SCHIP1: variants seen among roughly 807,000 people sequenced by gnomAD.
SCHIP1 encodes the protein schwannomin-interacting protein 1.
SCHIP1 carries 8 observed loss-of-function variants against 29.7 expected under a neutral mutation model. That is an observed-to-expected ratio of 0.27 (90% CI 0.16 to 0.49). The LOEUF (loss-of-function observed/expected upper bound fraction) is 0.49. Ranked by LOEUF, SCHIP1 falls within the 20% of genes least tolerant of loss-of-function variation. SCHIP1 has a pLI of 0.99. For synonymous variants in SCHIP1, 76 were observed against 94.9 expected, an observed-to-expected ratio of 0.80 and a Z score of 1.16; for missense variants, 193 against 294.6, an observed-to-expected ratio of 0.66 and a Z score of 2.52.
chr3:159,840,280 C>G, intron 1 of SCHIP1: 1 of 1,368,270 alleles, frequency 7.3e-7, no homozygotes, highest in Non-Finnish European at 1.0e-6. Flanking sequence ...TCTTCCAAAG[C>G]AGCAGGTTGC....
chr3:159,451,237 A>G, the SCHIP1 span, among the ~76,000 whole-genome samples: 2 of 152,374 alleles, frequency 1.3e-5, no homozygotes, highest in African/African-American at 2.4e-5. Context: ...GTTAAAGTAC[A>G]CGTGGGTGGT....
chr3:159,334,523 G>C, the SCHIP1 span, among the ~76,000 whole-genome samples: 2 of 152,032 alleles, frequency 1.3e-5, no homozygotes, highest in African/African-American at 4.8e-5. Flanking sequence ...CACCACAACA[G>C]GTATATAGAA....
At chr3:159,277,075 A>G in the SCHIP1 span, among the ~76,000 whole-genome samples, 1 of 152,036 alleles carries the variant, frequency 6.6e-6, no homozygotes, top group African/African-American at 2.4e-5. Context: ...AACATTCTGG[A>G]TTGACCTCAG....
the SCHIP1 span, among the ~76,000 whole-genome samples, chr3:159,626,244 CTATCTATATAGATAGA>C: frequency 3.2e-4 from 29 of 91,708 alleles, no homozygotes; most frequent in African/African-American, 1.9e-3. Context: ...ATATATCTAT[CTATCTATATAGATAGA>C]TAGATAGATA....
chr3:159,742,660 C>G, the SCHIP1 span, among the ~76,000 whole-genome samples: 1 of 151,088 alleles, frequency 6.6e-6, no homozygotes, highest in African/African-American at 2.4e-5. Flanking sequence ...TGGATACACT[C>G]TTTTTTTTCT....
At chr3:159,843,072 C>T (rs1011026180) in intron 1 of SCHIP1, among the ~76,000 whole-genome samples, 9 of 126,588 alleles carry the variant, frequency 7.1e-5, no homozygotes, top group Non-Finnish European at 9.6e-5. Flanking sequence ...AGTGCAGTGG[C>T]GCAATCTCAG....
the SCHIP1 span, among the ~76,000 whole-genome samples, chr3:159,807,854 A>G: frequency 6.6e-6 from 1 of 152,170 alleles, no homozygotes; most frequent in South Asian, 2.1e-4. Flanking sequence ...CCTCCCAATA[A>G]CCCTGTAAGG....
At chr3:159,635,531 G>T in the SCHIP1 span, among the ~76,000 whole-genome samples, 151 of 152,210 alleles carry the variant, frequency 9.9e-4, 1 homozygote, top group African/African-American at 3.5e-3. Flanking sequence ...TCTTCCTTCT[G>T]GTTTGTAAGT....
chr3:159,452,986 C>T, the SCHIP1 span, among the ~76,000 whole-genome samples: 1 of 152,314 alleles, frequency 6.6e-6, no homozygotes. Context: ...AACCATGCCA[C>T]ATGGAGCTGG....
chr3:159,510,594 TG>T, the SCHIP1 span, among the ~76,000 whole-genome samples: 1 of 152,222 alleles, frequency 6.6e-6, no homozygotes, highest in African/African-American at 2.4e-5. Context: ...CCCATCTTTG[TG>T]GTTTTATCTA....
the SCHIP1 span, among the ~76,000 whole-genome samples, chr3:159,720,641 G>A: frequency 1.4e-4 from 21 of 152,056 alleles, no homozygotes; most frequent in Admixed American, 1.4e-3. Flanking sequence ...CTGGAGTGCA[G>A]TGGCACCATC....
At chr3:159,417,874 G>A in the SCHIP1 span, among the ~76,000 whole-genome samples, 1 of 152,172 alleles carries the variant, frequency 6.6e-6, no homozygotes, top group African/African-American at 2.4e-5. Flanking sequence ...TCGCCTGCCA[G>A]GGTATATGAG....
At chr3:159,397,506 A>G in the SCHIP1 span, among the ~76,000 whole-genome samples, 3 of 152,010 alleles carry the variant, frequency 2.0e-5, no homozygotes, top group Non-Finnish European at 2.9e-5. Context: ...TTTCGTGTGG[A>G]TGTCCTTTCT....
At chr3:159,496,445 G>T in the SCHIP1 span, among the ~76,000 whole-genome samples, 8 of 152,174 alleles carry the variant, frequency 5.3e-5, no homozygotes, top group African/African-American at 1.7e-4. Flanking sequence ...GTAAGCGAAG[G>T]ATATGAACAT....
chr3:159,623,191 T>C, the SCHIP1 span, among the ~76,000 whole-genome samples: 1 of 152,104 alleles, frequency 6.6e-6, no homozygotes, highest in African/African-American at 2.4e-5. Flanking sequence ...AACTGCAAAA[T>C]TGTATTTATA....
the SCHIP1 span, among the ~76,000 whole-genome samples, chr3:159,412,176 C>T: frequency 6.6e-6 from 1 of 152,172 alleles, no homozygotes. Context: ...TTCAATACCA[C>T]TTAGCCAATA....
chr3:159,494,540 C>A, the SCHIP1 span, among the ~76,000 whole-genome samples: 1 of 152,194 alleles, frequency 6.6e-6, no homozygotes, highest in Admixed American at 6.5e-5. Flanking sequence ...TACACCCTCT[C>A]AAGCCTAAAC....
the SCHIP1 span, among the ~76,000 whole-genome samples, chr3:159,542,927 G>A: frequency 6.6e-6 from 1 of 152,024 alleles, no homozygotes; most frequent in African/African-American, 2.4e-5. Flanking sequence ...GGACCCAGGT[G>A]TCTGGGGATC....
the SCHIP1 span, among the ~76,000 whole-genome samples, chr3:159,497,634 A>G: frequency 4.0e-5 from 6 of 151,708 alleles, no homozygotes; most frequent in African/African-American, 1.5e-4. Flanking sequence ...AAGAAGAACA[A>G]CAAGCAGAAG....
Sources: allele counts gnomAD v4.1 joint callset (sites outside exome capture counted in the v4.1 genomes callset), GRCh38; gene constraint gnomAD v4.1.1; transcripts MANE v1.5; gene names NCBI Gene and HGNC (gene_info 2026-07-23, HGNC 2026-07-21).